Variants in GSG1L observed in about 807,000 individuals in gnomAD.
GSG1L encodes germ cell-specific gene 1-like protein.
GSG1L carries 24 observed loss-of-function variants against 42.1 expected under a neutral mutation model. The observed-to-expected ratio is 0.57, with a 90% CI of 0.41 to 0.80. GSG1L has a LOEUF of 0.80. Among genes scored for constraint, GSG1L ranks in the 30% least tolerant of loss-of-function variants. The pLI is 0.00. For synonymous variants in GSG1L, 215 were observed against 203.5 expected (o/e 1.06, Z -0.48); for missense variants, 445 against 472.2 (o/e 0.94, Z 0.53).
chr16:27,794,005 G>GT (rs200630221), intron 6 of GSG1L, among the ~76,000 whole-genome samples: 33 of 144,490 alleles, frequency 2.3e-4, no homozygotes, highest in Admixed American at 7.0e-4. Context: ...TTCCTAAACT[G>GT]TTTTTTTGTT....
At chr16:27,930,722 T>C (rs369164522) in intron 2 of GSG1L, among the ~76,000 whole-genome samples, 2 of 152,142 alleles carry the variant, frequency 1.3e-5, no homozygotes, top group South Asian at 2.1e-4. Context: ...TCACAAATGC[T>C]CTTTTCTTTC....
chr16:27,818,347 C>T (rs1597471007), intron 5 of GSG1L, among the ~76,000 whole-genome samples: 2 of 152,220 alleles, frequency 1.3e-5, no homozygotes, highest in East Asian at 3.9e-4. Context: ...ACTTCAAGGA[C>T]CATCTTGTGT....
At chr16:27,995,067 T>TC (rs2085500640) in intron 1 of GSG1L, among the ~76,000 whole-genome samples, 1 of 152,156 alleles carries the variant, frequency 6.6e-6, no homozygotes, top group African/African-American at 2.4e-5. Flanking sequence ...TCCTACAGCA[T>TC]CCCCAAGTTC....
Position 27,992,263 on chromosome 16 carries a change from G to A in GSG1L, c.350-29060C>T, listed in dbSNP as rs540715124. On this transcript the variant is annotated intron_variant, in intron 1 of 6. Transcript: ENST00000447459. ...TGTAATCCAAGCACTTTGGGAGGCC[G>A]AAGCGGGTGGATCACCTGAGGACAG... Among the ~76,000 whole-genome samples the A allele has an allele frequency of 8.5e-5, 13 of 152,278 alleles. 1 individual carries two copies. In the East Asian group the frequency reaches 1.4e-3, roughly 16 times the overall value.
chr16:28,060,762 C>A (rs1455426320), intron 1 of GSG1L, among the ~76,000 whole-genome samples: 1 of 152,156 alleles, frequency 6.6e-6, no homozygotes, highest in Non-Finnish European at 1.5e-5. Flanking sequence ...TCAAAGGTGG[C>A]GGCCAGGATT....
intron 3 of GSG1L, among the ~76,000 whole-genome samples, chr16:27,868,872 C>T (rs1224493700): frequency 6.6e-6 from 1 of 152,130 alleles, no homozygotes; most frequent in Non-Finnish European, 1.5e-5. Context: ...ATCCACATTC[C>T]CTCCCAGGCC....
At chr16:27,858,218 C>T (rs753674851) in intron 3 of GSG1L, among the ~76,000 whole-genome samples, 1 of 152,220 alleles carries the variant, frequency 6.6e-6, no homozygotes, top group Non-Finnish European at 1.5e-5. Context: ...AGAGGATGAG[C>T]GGCCACCTTG....
intron 6 of GSG1L, among the ~76,000 whole-genome samples, chr16:27,799,105 A>G (rs1218529655): frequency 6.6e-6 from 1 of 152,104 alleles, no homozygotes; most frequent in Non-Finnish European, 1.5e-5. Flanking sequence ...GAGAGGCTGG[A>G]CATAAACAAG....
chr16:28,027,412 G>T (rs1314215882), intron 1 of GSG1L, among the ~76,000 whole-genome samples: 1 of 152,160 alleles, frequency 6.6e-6, no homozygotes, highest in Non-Finnish European at 1.5e-5. Context: ...AAGGCAGGTG[G>T]GGTTTCAGTG....
At chr16:27,847,414 ACTC>A (rs1261975809) in intron 3 of GSG1L, among the ~76,000 whole-genome samples, 1 of 151,988 alleles carries the variant, frequency 6.6e-6, no homozygotes, top group African/African-American at 2.4e-5. Flanking sequence ...AGCTGTCATG[ACTC>A]CTAGCCCTGC....
At chr16:27,841,452 C>T (rs1198614214) in intron 4 of GSG1L, among the ~76,000 whole-genome samples, 5 of 152,236 alleles carry the variant, frequency 3.3e-5, no homozygotes, top group Admixed American at 3.3e-4. Context: ...CTTCCAGAGA[C>T]CCTGCAGCTT....
chr16:27,946,911 ACATGGAT>A (rs2084879657), intron 2 of GSG1L, among the ~76,000 whole-genome samples: 1 of 152,196 alleles, frequency 6.6e-6, no homozygotes, highest in Non-Finnish European at 1.5e-5. Context: ...CTAACTCCTC[ACATGGAT>A]CATCCCACTT....
chr16:27,808,482 G>A (rs907354771), intron 5 of GSG1L, among the ~76,000 whole-genome samples: 1 of 150,510 alleles, frequency 6.6e-6, no homozygotes, highest in African/African-American at 2.5e-5. Flanking sequence ...GCAGTGGCAC[G>A]GTCTCGGCTC....
chr16:27,939,090 G>C (rs1213523894), intron 2 of GSG1L, among the ~76,000 whole-genome samples: 1 of 152,132 alleles, frequency 6.6e-6, no homozygotes. Context: ...ACTAGAGTTT[G>C]TGAGCTCAAG....
At chr16:27,897,115 C>T (rs1465807932) in intron 2 of GSG1L, among the ~76,000 whole-genome samples, 4 of 152,196 alleles carry the variant, frequency 2.6e-5, no homozygotes, top group Non-Finnish European at 4.4e-5. Context: ...CCCCCCACCT[C>T]GGCCTCCCAA....
intron 1 of GSG1L, among the ~76,000 whole-genome samples, chr16:28,053,539 T>TC (rs2086242665): frequency 6.6e-6 from 1 of 151,976 alleles, no homozygotes; most frequent in South Asian, 2.1e-4. Context: ...GCGCAGCCAC[T>TC]CCCCCGGGGC....
At chr16:27,855,248 T>C (rs1335573113) in intron 3 of GSG1L, among the ~76,000 whole-genome samples, 5 of 150,442 alleles carry the variant, frequency 3.3e-5, no homozygotes, top group Admixed American at 3.3e-4. Flanking sequence ...AACAGGCCCA[T>C]TAGGTGTGCA....
chr16:27,899,261 T>C lies in GSG1L; in HGVS notation c.398-14623A>G, dbSNP rs138704902. Among the ~76,000 whole-genome samples the C allele has an allele frequency of 2.9e-3, 442 of 152,342 alleles. 1 individual carries two copies. The highest frequency in any genetic ancestry group is 9.7e-3 in the African/African-American group (405 of 41,586). ...ATTTACCCGCTGCGAGTTGGCAGTG[T>C]AGCCCAGTGTTTAAGGGCACGGCCT... On this transcript the variant is annotated intron_variant, in intron 2 of 6. Coordinates refer to ENST00000447459, the MANE Select transcript of GSG1L (RefSeq NM_001109763.2).
chr16:27,807,644 T>TC, intron 5 of GSG1L, 90 bp from the exon 6 acceptor site: 1 of 1,054,462 alleles, frequency 9.5e-7, no homozygotes, highest in Non-Finnish European at 1.4e-6. Flanking sequence ...AGTGCAATCT[T>TC]CCCCCCTCTG....
Sources: allele counts gnomAD v4.1 joint callset (sites outside exome capture counted in the v4.1 genomes callset), GRCh38; gene constraint gnomAD v4.1.1; transcripts MANE v1.5; gene names NCBI Gene and HGNC (gene_info 2026-07-23, HGNC 2026-07-21).